PDE1A: variants seen among roughly 807,000 people sequenced by gnomAD.
The protein encoded by PDE1A is phosphodiesterase 1A, also known as dual specificity calcium/calmodulin-dependent 3',5'-cyclic nucleotide phosphodiesterase 1A.
PDE1A carries 35 observed loss-of-function variants against 61.7 expected under a neutral mutation model. The ratio of observed to expected loss-of-function variants is 0.57; its 90% CI spans 0.43 to 0.75. The LOEUF is 0.75. PDE1A is among the 30% of genes least tolerant of loss of function. The pLI is 0.00. For synonymous variants in PDE1A, 232 were observed against 213.2 expected, an observed-to-expected ratio of 1.09 and a Z score of -0.77; for missense variants, 597 against 630.6, an observed-to-expected ratio of 0.95 and a Z score of 0.57.
At chr2:182,451,625 G>C (rs1207759784) in intron 2 of PDE1A, among the ~76,000 whole-genome samples, 2 of 151,930 alleles carry the variant, frequency 1.3e-5, no homozygotes, top group Non-Finnish European at 2.9e-5. Flanking sequence ...TAAGAATTCT[G>C]CTATTGTTTC....
intron 13 of PDE1A, among the ~76,000 whole-genome samples, chr2:182,173,446 T>TG (rs1348060454): frequency 2.0e-5 from 3 of 152,006 alleles, no homozygotes; most frequent in African/African-American, 7.2e-5. Flanking sequence ...AGTTCCACTC[T>TG]ATCAAATGCA....
intron 7 of PDE1A, among the ~76,000 whole-genome samples, chr2:182,215,449 A>C (rs1377558432): frequency 3.3e-5 from 5 of 149,550 alleles, no homozygotes; most frequent in African/African-American, 1.2e-4. Context: ...GACATAAAAA[A>C]CCCTTCAAAA....
At chr2:182,400,188 G>A (rs867862454) in intron 1 of PDE1A, among the ~76,000 whole-genome samples, 12 of 151,958 alleles carry the variant, frequency 7.9e-5, no homozygotes, top group African/African-American at 2.7e-4. Context: ...AATGTCTATT[G>A]GGTTATTTTT....
intron 7 of PDE1A, among the ~76,000 whole-genome samples, chr2:182,213,795 G>T (rs1224898547): frequency 1.5e-4 from 10 of 68,954 alleles, no homozygotes; most frequent in African/African-American, 4.7e-4. Flanking sequence ...CGTCTGATTG[G>T]TGTACCTGAA....
At chr2:182,556,544 C>T in the PDE1A span, among the ~76,000 whole-genome samples, 1 of 152,242 alleles carries the variant, frequency 6.6e-6, no homozygotes, top group African/African-American at 2.4e-5. Flanking sequence ...AACAAGGAAG[C>T]TAACCCTCCT....
chr2:182,188,228 TCTAGAAAAACAG>T (rs1436874307), intron 11 of PDE1A, among the ~76,000 whole-genome samples: 1 of 152,160 alleles, frequency 6.6e-6, no homozygotes, highest in Admixed American at 6.5e-5. Flanking sequence ...TGTTATGGTC[TCTAGAAAAACAG>T]CTGTTGAAAC....
chr2:182,299,893 C>G (rs539044051), intron 1 of PDE1A, among the ~76,000 whole-genome samples: 1 of 152,236 alleles, frequency 6.6e-6, no homozygotes, highest in South Asian at 2.1e-4. Flanking sequence ...CACACCGGTG[C>G]ATTGTATTGA....
At chr2:182,316,491 T>G (rs1210324399) in intron 1 of PDE1A, among the ~76,000 whole-genome samples, 1 of 152,154 alleles carries the variant, frequency 6.6e-6, no homozygotes, top group Non-Finnish European at 1.5e-5. Context: ...TCTTTTGAAT[T>G]CTAATCTAAA....
chr2:182,441,108 G>A (rs538854448), intron 2 of PDE1A, among the ~76,000 whole-genome samples: 38 of 151,982 alleles, frequency 2.5e-4, no homozygotes, highest in Non-Finnish European at 4.9e-4. Flanking sequence ...CATCTTACAT[G>A]GCAGCAGGCA....
the PDE1A span, among the ~76,000 whole-genome samples, chr2:182,574,506 C>A: frequency 6.6e-6 from 1 of 152,130 alleles, no homozygotes; most frequent in African/African-American, 2.4e-5. Context: ...CAGAAACGCA[C>A]CAATCCCCAA....
chr2:182,715,032 T>C, the PDE1A span, among the ~76,000 whole-genome samples: 1 of 152,208 alleles, frequency 6.6e-6, no homozygotes, highest in African/African-American at 2.4e-5. Flanking sequence ...TGTCTTCATC[T>C]TGGTATAAAA....
chr2:182,465,548 T>C (rs1686603670), intron 2 of PDE1A, among the ~76,000 whole-genome samples: 1 of 152,132 alleles, frequency 6.6e-6, no homozygotes. Flanking sequence ...TTAGAAAGCA[T>C]TTATTTTCTT....
intron 13 of PDE1A, among the ~76,000 whole-genome samples, chr2:182,178,498 C>G (rs559047969): frequency 6.6e-6 from 1 of 152,252 alleles, no homozygotes; most frequent in East Asian, 1.9e-4. Context: ...GAGACGGGAC[C>G]TGCTCTCTGA....
intron 2 of PDE1A, among the ~76,000 whole-genome samples, chr2:182,438,373 G>A (rs1327366258): frequency 6.6e-6 from 1 of 151,902 alleles, no homozygotes; most frequent in Non-Finnish European, 1.5e-5. Flanking sequence ...CTCCAATGGG[G>A]CCACCTCTAA....
chr2:182,363,085 G>A (rs747292675), intron 1 of PDE1A, among the ~76,000 whole-genome samples: 43 of 151,932 alleles, frequency 2.8e-4, no homozygotes, highest in Admixed American at 3.3e-4. Flanking sequence ...GGAGGAGGAA[G>A]AGGATCAGGA....
At chr2:182,218,974 C>G (rs1272984659) in intron 7 of PDE1A, among the ~76,000 whole-genome samples, 1 of 152,010 alleles carries the variant, frequency 6.6e-6, no homozygotes, top group Non-Finnish European at 1.5e-5. Context: ...AGTGAATGAA[C>G]AAACCCCTTT....
intron 1 of PDE1A, among the ~76,000 whole-genome samples, chr2:182,369,678 A>C (rs2125234608): frequency 6.6e-6 from 1 of 152,314 alleles, no homozygotes; most frequent in Admixed American, 6.5e-5. Flanking sequence ...CAGAAAAAAA[A>C]AAATGGCCAT....
At chr2:182,239,477 C>T (rs1378912926) in intron 3 of PDE1A, among the ~76,000 whole-genome samples, 2 of 151,874 alleles carry the variant, frequency 1.3e-5, no homozygotes, top group African/African-American at 4.8e-5. Context: ...AAAAAATAAG[C>T]TGTATTCTTA....
At chr2:182,449,568 T>C (rs569419182) in intron 2 of PDE1A, among the ~76,000 whole-genome samples, 1 of 152,176 alleles carries the variant, frequency 6.6e-6, no homozygotes, top group Non-Finnish European at 1.5e-5. Flanking sequence ...AGAAAGTATC[T>C]TTGTCTGATT....
Sources: gnomAD v4.1 joint callset for allele counts (sites outside exome capture counted in the v4.1 genomes callset) on GRCh38, gnomAD v4.1.1 for gene constraint, MANE v1.5 for transcripts, NCBI Gene and HGNC (gene_info 2026-07-23, HGNC 2026-07-21) for gene names.